Variants in MAML2 observed in about 807,000 individuals in gnomAD.
MAML2 encodes mastermind like transcriptional coactivator 2.
In MAML2, 22 loss-of-function variants were observed where a neutral mutation model predicts 96.1. That is an observed-to-expected ratio of 0.23 (90% confidence interval 0.16 to 0.33). The LOEUF (loss-of-function observed/expected upper bound fraction) is 0.33. MAML2 is among the 10% of genes least tolerant of loss of function. The pLI is 1.00. For missense variants in MAML2, 1,367 were observed against 1,392.4 expected, an observed-to-expected ratio of 0.98 and a Z score of 0.29; for synonymous variants, 561 against 521.3, an observed-to-expected ratio of 1.08 and a Z score of -1.04.
At chr11:96,312,230 A>AAAAAAAAAAAAAAAAAAAAAAAAAC in intron 1 of MAML2, among the ~76,000 whole-genome samples, 1 of 150,098 alleles carries the variant, frequency 6.7e-6, no homozygotes, top group African/African-American at 2.4e-5. Context: ...AAAAAAAAAA[A>AAAAAAAAAAAAAAAAAAAAAAAAAC]AAAAAAAAAA....
In MAML2 at chr11:96,153,866, G is replaced by A. The variant is rs540213153; in HGVS notation, c.514-60349C>T. On this transcript the variant is annotated intron_variant, in intron 1 of 4. Transcript: ENST00000524717. The stretch of plus-strand genomic sequence containing the variant: ...GCAGAGGTTGTAGTGAGCCAAGATC[G>A]CATCACTGCACTCCAGCTCTGGACA... 1.5e-4 allele frequency among the ~76,000 whole-genome samples: 23 copies of A among 152,064 alleles called. 1 individual carries two copies. The highest frequency in any genetic ancestry group is 4.3e-4 in the African/African-American group (18 of 41,478).
intron 1 of MAML2, among the ~76,000 whole-genome samples, chr11:96,198,836 G>A (rs1380430802): frequency 1.3e-5 from 2 of 152,074 alleles, no homozygotes; most frequent in Admixed American, 1.3e-4. Context: ...TAGCAGCTAG[G>A]GGTGACAGAG....
intron 1 of MAML2, among the ~76,000 whole-genome samples, chr11:96,252,463 G>C (rs937522188): frequency 7.9e-6 from 1 of 127,314 alleles, no homozygotes; most frequent in African/African-American, 3.0e-5. Context: ...GTCTCGCTCT[G>C]TCACGAGGCT....
intron 1 of MAML2, among the ~76,000 whole-genome samples, chr11:96,180,453 T>C (rs979042598): frequency 6.6e-6 from 1 of 152,190 alleles, no homozygotes; most frequent in African/African-American, 2.4e-5. Context: ...CACTATGTTG[T>C]GAAGAAGCCT....
intron 2 of MAML2, among the ~76,000 whole-genome samples, chr11:95,999,354 A>C (rs1459457090): frequency 6.6e-6 from 1 of 152,150 alleles, no homozygotes; most frequent in Non-Finnish European, 1.5e-5. Context: ...TCTTTCTTTC[A>C]TTTCAATGGA....
intron 1 of MAML2, among the ~76,000 whole-genome samples, chr11:96,285,697 C>T (rs780686311): frequency 3.3e-5 from 5 of 152,034 alleles, no homozygotes; most frequent in African/African-American, 1.2e-4. Context: ...TGAAGACATT[C>T]AGGGGGCCAA....
At chr11:96,187,803 A>AG (rs1246767667) in intron 1 of MAML2, among the ~76,000 whole-genome samples, 52 of 151,910 alleles carry the variant, frequency 3.4e-4, no homozygotes, top group Non-Finnish European at 6.6e-4. Flanking sequence ...AAAAAAAAAA[A>AG]AAAAGTTTTA....
intron 1 of MAML2, among the ~76,000 whole-genome samples, chr11:96,239,090 A>G (rs922831991): frequency 6.6e-6 from 1 of 152,280 alleles, no homozygotes; most frequent in South Asian, 2.1e-4. Flanking sequence ...CTAACATTTT[A>G]AAGTCAGAAT....
intron 2 of MAML2, among the ~76,000 whole-genome samples, chr11:95,994,045 T>C (rs1384094392): frequency 6.6e-6 from 1 of 152,158 alleles, no homozygotes; most frequent in Non-Finnish European, 1.5e-5. Flanking sequence ...TAGTTCTCAA[T>C]CAGTACACTT....
chr11:96,045,352 A>C (rs1205180825), intron 2 of MAML2, among the ~76,000 whole-genome samples: 1 of 152,110 alleles, frequency 6.6e-6, no homozygotes, highest in Non-Finnish European at 1.5e-5. Context: ...ACCTGGGTGA[A>C]CCCTAGTCCT....
At chr11:96,076,313 C>T (rs955550338) in intron 2 of MAML2, among the ~76,000 whole-genome samples, 4 of 152,122 alleles carry the variant, frequency 2.6e-5, no homozygotes, top group Admixed American at 6.5e-5. Flanking sequence ...TGGAGAGACA[C>T]ACCAGCTCCC....
chr11:96,211,499 G>T (rs563876698), intron 1 of MAML2, among the ~76,000 whole-genome samples: 95 of 151,062 alleles, frequency 6.3e-4, no homozygotes, highest in African/African-American at 2.2e-3. Flanking sequence ...CTCAAAGTCT[G>T]TTGGGTGAGA....
At chr11:96,243,506 C>G (rs533810933) in intron 1 of MAML2, among the ~76,000 whole-genome samples, 3 of 152,218 alleles carry the variant, frequency 2.0e-5, no homozygotes, top group South Asian at 4.1e-4. Context: ...CCGCGCGGCT[C>G]AGACCTCGCG....
At chr11:96,210,631 G>A (rs570888659) in intron 1 of MAML2, among the ~76,000 whole-genome samples, 25 of 152,122 alleles carry the variant, frequency 1.6e-4, no homozygotes, top group Non-Finnish European at 2.5e-4. Flanking sequence ...TGGAAAACAG[G>A]AGTAACAAGA....
intron 2 of MAML2, among the ~76,000 whole-genome samples, chr11:96,075,006 C>G (rs1859411947): frequency 6.6e-6 from 1 of 152,182 alleles, no homozygotes; most frequent in Non-Finnish European, 1.5e-5. Context: ...AACAAAGAAA[C>G]ATAGCCGGAA....
At chr11:96,160,740 T>G (rs1298104261) in intron 1 of MAML2, among the ~76,000 whole-genome samples, 1 of 152,230 alleles carries the variant, frequency 6.6e-6, no homozygotes, top group Non-Finnish European at 1.5e-5. Context: ...GTTTTCTGAT[T>G]TTTAAAGTAG....
intron 1 of MAML2, among the ~76,000 whole-genome samples, chr11:96,141,035 T>G (rs77799303): frequency 0.053 from 8,001 of 152,252 alleles, 520 homozygotes; most frequent in African/African-American, 0.15. Context: ...GTATGTCTCA[T>G]GTAATATTTG....
At chr11:96,142,296 T>A (rs924068450) in intron 1 of MAML2, among the ~76,000 whole-genome samples, 1 of 152,140 alleles carries the variant, frequency 6.6e-6, no homozygotes, top group South Asian at 2.1e-4. Context: ...AAATTTCTCA[T>A]CTATTTGGGA....
chr11:96,142,600 GCCC>G (rs1860752883), intron 1 of MAML2, among the ~76,000 whole-genome samples: 1 of 152,152 alleles, frequency 6.6e-6, no homozygotes, highest in Non-Finnish European at 1.5e-5. Context: ...AGTATTCTTT[GCCC>G]TATATTTTGC....
Sources: gnomAD v4.1 joint callset for allele counts (sites outside exome capture counted in the v4.1 genomes callset) on GRCh38, gnomAD v4.1.1 for gene constraint, MANE v1.5 for transcripts, NCBI Gene and HGNC (gene_info 2026-07-23, HGNC 2026-07-21) for gene names.